Variants in ACTR3C observed in about 807,000 individuals in gnomAD.
The protein encoded by ACTR3C is actin-related protein 3C.
Under a neutral mutation model 26.3 loss-of-function variants are expected in ACTR3C, and 18 were observed. The ratio of observed to expected loss-of-function variants is 0.68; its 90% CI spans 0.47 to 1.01. The LOEUF (loss-of-function observed/expected upper bound fraction) is 1.01, where lower values mean the gene tolerates loss of function less well. ACTR3C is among the 50% of genes least tolerant of loss of function. ACTR3C has a pLI of 0.00. For missense variants in ACTR3C, 184 were observed against 250.7 expected (o/e 0.73, Z 1.80); for synonymous variants, 55 against 94.5 (o/e 0.58, Z 2.42).
chr7:150,191,508 C>A, the ACTR3C span, among the ~76,000 whole-genome samples: 1 of 152,148 alleles, frequency 6.6e-6, no homozygotes, highest in African/African-American at 2.4e-5. Context: ...TTTGAATTAA[C>A]ATATGCACTG....
At chr7:150,113,567 C>T in the ACTR3C span, among the ~76,000 whole-genome samples, 1 of 152,174 alleles carries the variant, frequency 6.6e-6, no homozygotes, top group Admixed American at 6.5e-5. Context: ...TAGTGGAGCA[C>T]ATTTACAAAC....
the ACTR3C span, among the ~76,000 whole-genome samples, chr7:150,086,427 C>T: frequency 6.6e-6 from 1 of 152,190 alleles, no homozygotes; most frequent in Admixed American, 6.5e-5. Context: ...GTATTCTTGC[C>T]TCTAATAACT....
chr7:150,294,562 G>C (rs1433517273), intron 2 of ACTR3C, among the ~76,000 whole-genome samples: 1 of 152,220 alleles, frequency 6.6e-6, no homozygotes, highest in Non-Finnish European at 1.5e-5. Context: ...ACACAGGAAT[G>C]CTCAGAGCCT....
At chr7:150,214,586 T>C in the ACTR3C span, among the ~76,000 whole-genome samples, 1 of 151,742 alleles carries the variant, frequency 6.6e-6, no homozygotes, top group Admixed American at 6.6e-5. Context: ...ATAAGCTGTA[T>C]AAAACATACA....
At chr7:150,013,832 G>T in the ACTR3C span, among the ~76,000 whole-genome samples, 3 of 152,216 alleles carry the variant, frequency 2.0e-5, no homozygotes, top group Admixed American at 1.3e-4. Flanking sequence ...GGAGGCTTGG[G>T]TGACCAGGAA....
At chr7:150,018,323 C>T in the ACTR3C span, among the ~76,000 whole-genome samples, 20 of 100,782 alleles carry the variant, frequency 2.0e-4, no homozygotes, top group African/African-American at 1.6e-4. Flanking sequence ...GGATTACAGG[C>T]GTGAGCCACA....
At chr7:150,164,158 G>A in the ACTR3C span, among the ~76,000 whole-genome samples, 41 of 152,240 alleles carry the variant, frequency 2.7e-4, no homozygotes, top group Admixed American at 1.4e-3. Context: ...GCTGTTGTTG[G>A]GCCAGGTCTA....
At chr7:150,255,830 G>C (rs1305482366) in intron 6 of ACTR3C, among the ~76,000 whole-genome samples, 3 of 152,134 alleles carry the variant, frequency 2.0e-5, no homozygotes, top group Admixed American at 6.5e-5. Context: ...AAATATTGCA[G>C]GTTCTCTAAA....
chr7:150,091,685 T>C, the ACTR3C span, among the ~76,000 whole-genome samples: 2 of 134,894 alleles, frequency 1.5e-5, no homozygotes, highest in African/African-American at 5.5e-5. Context: ...TCTTGTGAGT[T>C]AGAAATAATA....
At chr7:150,206,005 A>G in the ACTR3C span, among the ~76,000 whole-genome samples, 1 of 152,204 alleles carries the variant, frequency 6.6e-6, no homozygotes, top group African/African-American at 2.4e-5. Flanking sequence ...GTAATGGTAC[A>G]TTTCAGAACA....
chr7:149,973,355 T>C, the ACTR3C span, among the ~76,000 whole-genome samples: 1 of 152,178 alleles, frequency 6.6e-6, no homozygotes, highest in African/African-American at 2.4e-5. Context: ...TAAATGATCA[T>C]GTATCCTGGT....
chr7:150,029,786 C>T, the ACTR3C span, among the ~76,000 whole-genome samples: 1 of 151,988 alleles, frequency 6.6e-6, no homozygotes, highest in Non-Finnish European at 1.5e-5. Flanking sequence ...AATGGCTTTG[C>T]CCCACATGCA....
the ACTR3C span, among the ~76,000 whole-genome samples, chr7:150,019,389 C>G: frequency 6.7e-6 from 1 of 149,434 alleles, no homozygotes; most frequent in Non-Finnish European, 1.5e-5. Context: ...GTCAAGAGAT[C>G]GAGACCATCC....
the ACTR3C span, among the ~76,000 whole-genome samples, chr7:150,172,987 C>G: frequency 6.7e-6 from 1 of 148,860 alleles, no homozygotes; most frequent in South Asian, 2.1e-4. Context: ...CAGGGTACAG[C>G]CTCCATCCCA....
At chr7:150,251,273 A>G (rs2129609250) in intron 6 of ACTR3C, among the ~76,000 whole-genome samples, 1 of 152,292 alleles carries the variant, frequency 6.6e-6, no homozygotes, top group Non-Finnish European at 1.5e-5. Context: ...TTCAACACTA[A>G]ATTCTGATTA....
the ACTR3C span, among the ~76,000 whole-genome samples, chr7:150,147,581 C>T: frequency 0.56 from 84,348 of 151,712 alleles, 23,601 homozygotes; most frequent in Middle Eastern, 0.66. Flanking sequence ...ATTAATCATT[C>T]ATTAATTATT....
chr7:149,948,716 A>T, the ACTR3C span, among the ~76,000 whole-genome samples: 3 of 151,786 alleles, frequency 2.0e-5, no homozygotes, highest in Non-Finnish European at 4.4e-5. Context: ...GAAGGAGGTG[A>T]CTCCCTTCAG....
chr7:150,133,419 G>C, the ACTR3C span, among the ~76,000 whole-genome samples: 1 of 152,104 alleles, frequency 6.6e-6, no homozygotes. Flanking sequence ...CCTTGTTCAT[G>C]CTCCGGCCTC....
At chr7:149,992,456 A>G in the ACTR3C span, among the ~76,000 whole-genome samples, 149 of 152,352 alleles carry the variant, frequency 9.8e-4, no homozygotes, top group African/African-American at 3.3e-3. Flanking sequence ...CCACTGACAA[A>G]TGATCTTCAT....
Sources: gnomAD v4.1 joint callset for allele counts (sites outside exome capture counted in the v4.1 genomes callset) on GRCh38, gnomAD v4.1.1 for gene constraint, MANE v1.5 for transcripts, NCBI Gene and HGNC (gene_info 2026-07-23, HGNC 2026-07-21) for gene names.